MRPS5: variants seen among roughly 807,000 people sequenced by gnomAD.
MRPS5 encodes mitochondrial ribosomal protein S5, also known as small ribosomal subunit protein uS5m.
MRPS5 carries 27 observed loss-of-function variants against 51.9 expected under a neutral mutation model. That is an observed-to-expected ratio of 0.52 (90% CI 0.38 to 0.72). The LOEUF is 0.72. MRPS5 is among the 30% of genes least tolerant of loss of function. MRPS5 has a pLI of 0.00. For missense variants in MRPS5, 570 were observed against 545.7 expected (o/e 1.04, Z -0.44); for synonymous variants, 196 against 193.2 (o/e 1.01, Z -0.12).
Position 95,108,308 on chromosome 2 carries a change from C to T in MRPS5, c.504G>A (p.Val168=). The T allele has an allele frequency of 1.2e-6, 2 of 1,614,200 alleles. No individual in the cohort carries two copies. ...CTCTCTGCTGGATCATGTCTGCCTC[C>T]ACCTTCTCCTGCTCTTCCTTGCTTC... is the stretch of plus-strand genomic sequence containing the variant. ...AQRSKEEQEK[V]EADMIQQREE... Residue 168 remains valine, a synonymous_variant, in exon 5 of 12, where the codon GTG becomes GTA. Transcript: ENST00000272418.
Position 95,086,213 on chromosome 2 carries a change from C to T in MRPS5, c.*1144G>A, listed in dbSNP as rs1477719146. On this transcript the variant is annotated 3_prime_UTR_variant, in exon 12 of 12. Transcript: ENST00000272418. Reference sequence around the variant, plus strand: ...GGGGTTATAGGCGTGAGCCACCACACCTACCTGATGACAAAGATTTTAAAG... The same window carrying T: ...GGGGTTATAGGCGTGAGCCACCACATCTACCTGATGACAAAGATTTTAAAG... 6.6e-6 allele frequency among the ~76,000 whole-genome samples: 1 copy of T among 152,126 alleles called. No homozygotes were observed. The highest frequency in any genetic ancestry group is 2.4e-5 in the African/African-American group (1 of 41,414).
chr2:95,104,609 C>T (rs1345972902), intron 7 of MRPS5, 31 bp downstream of exon 7: 10 of 1,609,308 alleles, frequency 6.2e-6, no homozygotes, highest in South Asian at 1.1e-5. Context: ...TGCACACCAC[C>T]GCCACTGTGA....
intron 2 of MRPS5, among the ~76,000 whole-genome samples, chr2:95,116,878 T>G (rs1490808075): frequency 6.6e-6 from 1 of 152,138 alleles, no homozygotes; most frequent in Non-Finnish European, 1.5e-5. Flanking sequence ...ATGCCTGTAA[T>G]GCCTATAATC....
chr2:95,115,997 C>T (rs1010195514), intron 2 of MRPS5, among the ~76,000 whole-genome samples: 2 of 151,748 alleles, frequency 1.3e-5, no homozygotes, highest in Non-Finnish European at 2.9e-5. Flanking sequence ...ACCTCCACCT[C>T]CCAGGTTCAG....
chr2:95,093,621 C>T (rs947304666), intron 10 of MRPS5: 2 of 152,452 alleles, frequency 1.3e-5, no homozygotes, highest in African/African-American at 4.8e-5. Context: ...CAAACTCCAA[C>T]AGACCTGCAG....
intron 3 of MRPS5, among the ~76,000 whole-genome samples, chr2:95,110,769 T>C (rs1206302539): frequency 2.6e-5 from 4 of 152,200 alleles, no homozygotes; most frequent in South Asian, 4.1e-4. Flanking sequence ...CACTCCAGCC[T>C]TGGGGACAGA....
chr2:95,121,002 CA>C (rs1292954618), intron 1 of MRPS5, among the ~76,000 whole-genome samples: 1 of 152,114 alleles, frequency 6.6e-6, no homozygotes, highest in Non-Finnish European at 1.5e-5. Flanking sequence ...CCTGTAATCC[CA>C]GCTACTCAGG....
chr2:95,113,651 T>C (rs1349456055), intron 3 of MRPS5, among the ~76,000 whole-genome samples: 1 of 152,174 alleles, frequency 6.6e-6, no homozygotes, highest in Non-Finnish European at 1.5e-5. Flanking sequence ...AATCTGTAGT[T>C]GTGCAACTAA....
intron 11 of MRPS5, 69 bp downstream of exon 11, chr2:95,090,293 GCATCTCCAGGAGGCCCCAGGGCAT>G: frequency 7.5e-7 from 1 of 1,334,578 alleles, no homozygotes; most frequent in African/African-American, 1.5e-5. Flanking sequence ...CCCCAGGAAA[GCATCTCCAGGAGGCCCCAGGGCAT>G]CGTAGCCCCA....
intron 7 of MRPS5, chr2:95,104,245 C>T (rs969181999): frequency 1.8e-5 from 3 of 162,240 alleles, no homozygotes; most frequent in Non-Finnish European, 2.7e-5. Flanking sequence ...TTTTTTTTAA[C>T]TTAGCATTAT....
At chr2:95,100,652 T>C in intron 9 of MRPS5, 116 bp from the exon 10 acceptor site, 1 of 931,520 alleles carries the variant, frequency 1.1e-6, no homozygotes. Flanking sequence ...TGACCAAAGA[T>C]AAATGGTAAG....
chr2:95,116,632 AATT>A (rs1421575342), intron 2 of MRPS5, among the ~76,000 whole-genome samples: 21 of 152,208 alleles, frequency 1.4e-4, no homozygotes, highest in Admixed American at 2.0e-4. Flanking sequence ...TTATTCTCTG[AATT>A]ATTATTAATT....
chr2:95,097,047 A>G (rs1437889918), intron 10 of MRPS5, among the ~76,000 whole-genome samples: 3 of 152,222 alleles, frequency 2.0e-5, no homozygotes, highest in Non-Finnish European at 4.4e-5. Context: ...CACCAATAAC[A>G]GACCAACAGA....
At chr2:95,101,775 G>A (rs1375255029) in intron 7 of MRPS5, 52 bp from the exon 8 acceptor site, 3 of 1,339,702 alleles carry the variant, frequency 2.2e-6, no homozygotes, top group East Asian at 2.4e-5. Flanking sequence ...TTGCCCATGT[G>A]GTTTTTGCCA....
chr2:95,115,150 G>C lies in MRPS5; in HGVS notation c.193C>G (p.Arg65Gly). 1.9e-6 allele frequency: 3 copies of C among 1,611,908 alleles called. No homozygotes were observed. Among genetic ancestry groups the C allele is most frequent in the Non-Finnish European group, 2.5e-6 (3 of 1,179,518 alleles). Residue 65 changes from arginine (R) to glycine (G), a missense_variant, in exon 3 of 12, where the codon CGT becomes GGT. Transcript: ENST00000272418. The stretch of plus-strand genomic sequence containing the variant: ...ATACAGCATTGTGTCTGCAGTGCAC[G>C]GCTCAAGCTGGCGTAGGGATGGGTG... ...RDTHPYASLS[R>G]ALQTQCCISS... is the part of the protein sequence containing the mutation.
Position 95,104,672 on chromosome 2 carries a change from A to G in MRPS5, c.731T>C (p.Leu244Ser). 1 of 1,614,180 alleles carries G rather than the reference A, an allele frequency of 6.2e-7. No individual in the cohort carries two copies. The highest frequency in any genetic ancestry group is 8.5e-7 in the Non-Finnish European group (1 of 1,180,002). Residue 244 changes from leucine (L) to serine (S), a missense_variant, in exon 7 of 12, where the codon TTG becomes TCG. Leu to Ser is a moderately radical substitution (Grantham distance 145). Coordinates refer to ENST00000272418, the MANE Select transcript of MRPS5 (RefSeq NM_031902.5). ...TCCTTTTCCGTTCCCCACAGCCACC[A>G]AGACACGGATCGATTTCTTTCTTCC... ...KEGRKKSIRVLVAVGNGKGAA... is the reference protein window; with the variant it reads ...KEGRKKSIRVSVAVGNGKGAA...
At chr2:95,109,847 TA>T (rs1676064978) in intron 4 of MRPS5, 68 bp downstream of exon 4, 1 of 1,543,542 alleles carries the variant, frequency 6.5e-7, no homozygotes, top group Non-Finnish European at 8.8e-7. Context: ...TTCTAGTTTG[TA>T]AAATATCTAT....
At chr2:95,113,176 T>C (rs928233235) in intron 3 of MRPS5, among the ~76,000 whole-genome samples, 2 of 151,364 alleles carry the variant, frequency 1.3e-5, no homozygotes, top group South Asian at 2.1e-4. Flanking sequence ...GAAAAGGCTA[T>C]TAAAAAATAA....
chr2:95,087,095 TCTCC>T lies in MRPS5; in HGVS notation c.*258_*261del, dbSNP rs1173793658. ...TGATTGGGTCAAATTATTAACCCCG[TCTCC>T]CTAATTCATTTACTTTTGTTACTTT... On this transcript the variant is annotated 3_prime_UTR_variant, in exon 12 of 12. Coordinates refer to ENST00000272418, the MANE Select transcript of MRPS5 (RefSeq NM_031902.5). 5 of 376,852 alleles carry T rather than the reference TCTCC, an allele frequency of 1.3e-5. No individual in the cohort carries two copies. Among genetic ancestry groups the T allele is most frequent in the Non-Finnish European group, 2.4e-5 (5 of 211,830 alleles). The allele number at this position is 376,852 out of a possible 1,614,324, so 23.3% of individuals were successfully genotyped here.
Sources: allele counts gnomAD v4.1 joint callset (sites outside exome capture counted in the v4.1 genomes callset), GRCh38; gene constraint gnomAD v4.1.1; transcripts MANE v1.5; gene names NCBI Gene and HGNC (gene_info 2026-07-23, HGNC 2026-07-21).